Variants in MED14 observed in about 807,000 individuals in gnomAD.
MED14 encodes mediator of RNA polymerase II transcription subunit 14.
MED14 carries 8 observed loss-of-function variants against 109.0 expected under a neutral mutation model. The ratio of observed to expected loss-of-function variants is 0.07; its 90% CI spans 0.04 to 0.13. The LOEUF is 0.13. Ranked by LOEUF, MED14 falls within the 10% of genes least tolerant of loss-of-function variation. The pLI, the probability that MED14 is intolerant of heterozygous loss-of-function variation, is 1.00. For missense variants in MED14, 711 were observed against 1,142.4 expected (o/e 0.62, Z 5.44); for synonymous variants, 399 against 408.7 (o/e 0.98, Z 0.29).
At chrX:40,723,936 C>T (rs1931817926) in intron 3 of MED14, among the ~76,000 whole-genome samples, 1 of 110,804 alleles carries the variant, frequency 9.0e-6, no homozygotes, top group Non-Finnish European at 1.9e-5. Flanking sequence ...CTCAATGATC[C>T]GTTGCCTATA....
intron 21 of MED14, 54 bp downstream of exon 21, chrX:40,679,810 T>C (rs1408601864): frequency 9.7e-6 from 11 of 1,128,303 alleles, no homozygotes; most frequent in Non-Finnish European, 1.2e-5. Flanking sequence ...TCAAAGAAAC[T>C]ATTTTAGAGA....
At chrX:40,711,110 A>G (rs1931323715) in intron 8 of MED14, 59 bp downstream of exon 8, 22 of 1,122,713 alleles carry the variant, frequency 2.0e-5, no homozygotes, top group Non-Finnish European at 2.5e-5. Flanking sequence ...AGAGAAAAAG[A>G]GAAATAAAAA....
Position 40,666,318 on chromosome X carries a change from G to A in MED14, c.3265+402C>T, listed in dbSNP as rs1172505868. ...TTGAATCAATTCAAAATAAAATTTT[G>A]AGTTCAAAAGTTAAAAAATTCAAGT... On this transcript the variant is annotated intron_variant, in intron 24 of 30. Transcript: ENST00000324817. Among the ~76,000 whole-genome samples the A allele has an allele frequency of 6.4e-5, 7 of 109,674 alleles. No individual in the cohort carries two copies. The Admixed American group carries it at 6.9e-4, about 11-fold the overall frequency.
At chrX:40,687,310 C>G (rs1355109171) in intron 16 of MED14, among the ~76,000 whole-genome samples, 1 of 111,644 alleles carries the variant, frequency 9.0e-6, no homozygotes, top group Non-Finnish European at 1.9e-5. Context: ...TCTCTCCTAA[C>G]TCCTTGTGGA....
intron 10 of MED14, among the ~76,000 whole-genome samples, chrX:40,707,457 T>C (rs780586683): frequency 7.2e-5 from 8 of 111,525 alleles, no homozygotes; most frequent in Non-Finnish European, 1.5e-4. Flanking sequence ...AATGAAAACT[T>C]ACGTCCACAT....
intron 10 of MED14, among the ~76,000 whole-genome samples, chrX:40,707,057 A>G (rs942067783): frequency 9.0e-6 from 1 of 111,210 alleles, no homozygotes; most frequent in Admixed American, 9.6e-5. Context: ...GCCCAGGAGC[A>G]TAAGACCAGC....
chrX:40,699,803 T>A (rs1019203290), intron 12 of MED14, among the ~76,000 whole-genome samples: 3 of 111,518 alleles, frequency 2.7e-5, no homozygotes, highest in African/African-American at 3.3e-5. Context: ...ACTAAATAGC[T>A]GCTCAAAAAA....
chrX:40,670,046 A>G (rs1044790094), intron 23 of MED14, among the ~76,000 whole-genome samples: 1 of 112,246 alleles, frequency 8.9e-6, no homozygotes, highest in East Asian at 2.8e-4. Context: ...AAGTGAATTT[A>G]AAGATTTTTA....
chrX:40,722,895 G>C (rs1931769028), intron 3 of MED14, among the ~76,000 whole-genome samples: 1 of 111,811 alleles, frequency 8.9e-6, no homozygotes, highest in Admixed American at 9.5e-5. Context: ...AAGCATGAAG[G>C]AGAAATAAAG....
At position 40,681,936 on chromosome X, in the gene MED14, A is replaced by G; in HGVS notation, c.2373T>C (p.Pro791=). 9.4e-7 allele frequency: 1 copy of G among 1,058,636 alleles called. No homozygotes were observed. The highest frequency in any genetic ancestry group is 1.3e-6 in the Non-Finnish European group (1 of 781,233). 87.2% of individuals were successfully genotyped at this position (1,058,636 alleles called of 1,213,427 possible). A position where few individuals can be genotyped will look rare whatever the true frequency, so the allele number is the denominator to read the frequency against. Residue 791 remains proline (P), a synonymous_variant, in exon 19 of 31, where the codon CCT becomes CCC. Coordinates refer to ENST00000324817, the MANE Select transcript of MED14 (RefSeq NM_004229.4). ...LEFARSLPDI[P]AHLNIFSEVR... ...CTTCTGAGAAAATATTTAGATGAGC[A>G]GGTATGTCTAAACAGAAGGAAACAA...
intron 23 of MED14, among the ~76,000 whole-genome samples, chrX:40,670,774 A>T (rs902624867): frequency 2.7e-5 from 3 of 110,857 alleles, no homozygotes; most frequent in East Asian, 2.8e-4. Context: ...TCTCAAAAAA[A>T]AAAAAAAATA....
upstream of MED14, chrX:40,735,935 C>T (rs1932257071): frequency 8.0e-6 from 2 of 251,141 alleles, no homozygotes; most frequent in South Asian, 3.5e-5. Flanking sequence ...GGAGTCGTCA[C>T]CGGGAACGTC....
chrX:40,716,867 A>G (rs1032335386), intron 3 of MED14, among the ~76,000 whole-genome samples: 1 of 111,874 alleles, frequency 8.9e-6, no homozygotes, highest in African/African-American at 3.3e-5. Flanking sequence ...AACAGCACGT[A>G]TGGAAGTGAA....
At chrX:40,707,464 A>G (rs1304649148) in intron 10 of MED14, among the ~76,000 whole-genome samples, 2 of 111,911 alleles carry the variant, frequency 1.8e-5, no homozygotes, top group South Asian at 7.4e-4. Flanking sequence ...ACTTACGTCC[A>G]CATAAAAACT....
chrX:40,706,405 A>C (rs938243483), intron 10 of MED14, among the ~76,000 whole-genome samples: 1 of 111,325 alleles, frequency 9.0e-6, no homozygotes, highest in Admixed American at 9.6e-5. Context: ...TCCAAATTAT[A>C]GTCCCTAAGT....
intron 15 of MED14, 87 bp from the exon 16 acceptor site, chrX:40,688,617 C>T: frequency 1.6e-6 from 1 of 620,022 alleles, no homozygotes; most frequent in Non-Finnish European, 2.7e-6. Flanking sequence ...ATTCTTGTGG[C>T]ACCTGTTCTA....
chrX:40,686,241 T>C (rs1276904510), intron 16 of MED14, among the ~76,000 whole-genome samples: 2 of 111,634 alleles, frequency 1.8e-5, no homozygotes, highest in Admixed American at 1.9e-4. Context: ...CCTTCCTAGG[T>C]AGGACTCTTA....
intron 28 of MED14, 32 bp from the exon 29 acceptor site, chrX:40,655,092 C>T (rs372886517): frequency 1.3e-5 from 15 of 1,171,835 alleles, no homozygotes; most frequent in Non-Finnish European, 1.7e-5. Context: ...AAGATAAAGG[C>T]ATATAAACAT....
Position 40,648,366 on chromosome X carries a change from G to C in MED14, c.*3440C>G, listed in dbSNP as rs1928739353. 1 of 111,748 alleles carries C rather than the reference G, an allele frequency of 8.9e-6. No individual in the cohort carries two copies. Among genetic ancestry groups the C allele is most frequent in the Non-Finnish European group, 1.9e-5 (1 of 53,173 alleles). 9.2% of individuals were successfully genotyped at this position (111,748 alleles called of 1,213,427 possible). A position where few individuals can be genotyped will look rare whatever the true frequency, so the allele number is the denominator to read the frequency against. Reference sequence around the variant, plus strand: ...GGAAAACATGTCAAAATTGTGTGTAGTTAAAAGCCTCTGAGGAAAGAGTCT... The same window carrying C: ...GGAAAACATGTCAAAATTGTGTGTACTTAAAAGCCTCTGAGGAAAGAGTCT... On this transcript the variant is annotated 3_prime_UTR_variant, in exon 31 of 31. Transcript: ENST00000324817.
Sources: gnomAD v4.1 joint callset for allele counts (sites outside exome capture counted in the v4.1 genomes callset) on GRCh38, gnomAD v4.1.1 for gene constraint, MANE v1.5 for transcripts, NCBI Gene and HGNC (gene_info 2026-07-23, HGNC 2026-07-21) for gene names.